SLC2A9: variants seen among roughly 807,000 people sequenced by gnomAD.
SLC2A9 encodes the protein solute carrier family 2, facilitated glucose transporter member 9.
Under a neutral mutation model 50.6 loss-of-function variants are expected in SLC2A9, and 39 were observed. That is an observed-to-expected ratio of 0.77 (90% confidence interval 0.60 to 1.01). The LOEUF (loss-of-function observed/expected upper bound fraction) is 1.01, where lower values mean the gene tolerates loss of function less well. SLC2A9 is among the 50% of genes least tolerant of loss of function. The probability of loss-of-function intolerance (pLI) is 0.00; values close to 1 mark genes in which losing one functional copy is unlikely to be tolerated. For synonymous variants in SLC2A9, 324 were observed against 276.9 expected (o/e 1.17, Z -1.69); for missense variants, 686 against 677.6 (o/e 1.01, Z -0.14).
At chr4:9,852,200 C>A (rs1047299189) in intron 10 of SLC2A9, among the ~76,000 whole-genome samples, 8 of 151,418 alleles carry the variant, frequency 5.3e-5, no homozygotes, top group Non-Finnish European at 7.4e-5. Context: ...GATGTTTCAG[C>A]AGAAACCCTA....
chr4:10,036,837 G>A (rs563551287), intron 1 of SLC2A9, among the ~76,000 whole-genome samples: 12 of 152,288 alleles, frequency 7.9e-5, no homozygotes, highest in African/African-American at 2.6e-4. Context: ...CTCTTGATGC[G>A]TATTGATCTT....
intron 10 of SLC2A9, among the ~76,000 whole-genome samples, chr4:9,863,831 C>T (rs1732026218): frequency 6.6e-6 from 1 of 152,044 alleles, no homozygotes; most frequent in Non-Finnish European, 1.5e-5. Flanking sequence ...TCTGACTAAC[C>T]CCACGTCCAG....
chr4:9,796,333 A>G (rs1251492156), downstream of SLC2A9, among the ~76,000 whole-genome samples: 2 of 152,170 alleles, frequency 1.3e-5, no homozygotes, highest in East Asian at 3.9e-4. Context: ...CCACAGCCCT[A>G]TCTTTCTCCA....
intron 2 of SLC2A9, 59 bp downstream of exon 2, chr4:10,018,916 G>A (rs992612865): frequency 6.6e-7 from 1 of 1,508,086 alleles, no homozygotes. Flanking sequence ...GGGCCCTTGC[G>A]CACCCGAAGG....
intron 6 of SLC2A9, among the ~76,000 whole-genome samples, chr4:9,930,735 T>G (rs6823324): frequency 1.3e-5 from 2 of 152,042 alleles, no homozygotes; most frequent in Non-Finnish European, 2.9e-5. Flanking sequence ...GAACAAGGGC[T>G]CCAGGCAAGA....
At chr4:9,963,746 G>A (rs1017024730) in intron 5 of SLC2A9, among the ~76,000 whole-genome samples, 3 of 152,168 alleles carry the variant, frequency 2.0e-5, no homozygotes, top group Admixed American at 6.5e-5. Context: ...GGTGGGACCC[G>A]CATTGTGGGA....
At chr4:9,955,647 T>C (rs568448733) in intron 5 of SLC2A9, among the ~76,000 whole-genome samples, 1 of 152,246 alleles carries the variant, frequency 6.6e-6, no homozygotes, top group South Asian at 2.1e-4. Flanking sequence ...CTGCTCTAAC[T>C]CTTGCCTCAG....
chr4:9,828,094 T>G lies in SLC2A9; in HGVS notation c.1420-1494A>C, dbSNP rs534753540. 2.0e-5 allele frequency among the ~76,000 whole-genome samples: 3 copies of G among 152,320 alleles called. No individual in the cohort carries two copies. The South Asian group carries it at 6.2e-4, about 32-fold the overall frequency. The stretch of plus-strand genomic sequence containing the variant: ...GCCTCTAAAACTGCCTGCTCTAGCC[T>G]TCCTCATCTCTGCTGATGGCACCTC... On this transcript the variant is annotated intron_variant, in intron 11 of 11. Coordinates refer to ENST00000264784, the MANE Select transcript of SLC2A9 (RefSeq NM_020041.3).
intron 6 of SLC2A9, among the ~76,000 whole-genome samples, chr4:9,926,328 A>G (rs970631281): frequency 2.0e-5 from 3 of 148,846 alleles, no homozygotes; most frequent in African/African-American, 7.4e-5. Flanking sequence ...GTGCTCACCA[A>G]TGCAAACACA....
At chr4:9,964,464 A>G (rs960881188) in intron 5 of SLC2A9, among the ~76,000 whole-genome samples, 1 of 152,188 alleles carries the variant, frequency 6.6e-6, no homozygotes, top group Non-Finnish European at 1.5e-5. Flanking sequence ...AATGGCCTTC[A>G]ACCCATCTGA....
At chr4:9,902,951 A>G (rs1001668801) in intron 8 of SLC2A9, among the ~76,000 whole-genome samples, 13 of 152,222 alleles carry the variant, frequency 8.5e-5, no homozygotes, top group African/African-American at 3.1e-4. Flanking sequence ...TGTGAATTAC[A>G]GTATGATTCC....
At chr4:9,942,402 C>G (rs1748328079) in intron 5 of SLC2A9, among the ~76,000 whole-genome samples, 1 of 152,196 alleles carries the variant, frequency 6.6e-6, no homozygotes, top group Non-Finnish European at 1.5e-5. Context: ...CTCTTCAACA[C>G]CAGGGCTGCC....
downstream of SLC2A9, among the ~76,000 whole-genome samples, chr4:9,776,486 C>T (rs1717587291): frequency 6.6e-6 from 1 of 151,966 alleles, no homozygotes; most frequent in Non-Finnish European, 1.5e-5. Flanking sequence ...GGGACTACCC[C>T]AGACCTCCCT....
In SLC2A9 at chr4:9,826,830, T is replaced by G. The variant is rs951885606; in HGVS notation, c.1420-230A>C. Among the ~76,000 whole-genome samples the G allele has an allele frequency of 4.6e-5, 7 of 152,336 alleles. No individual in the cohort carries two copies. In the East Asian group the frequency reaches 1.3e-3, roughly 29 times the overall value. On this transcript the variant is annotated intron_variant, in intron 11 of 11. Transcript: ENST00000264784. ...TCTGGGAAAGATGAGAAAATGGCAC[T>G]TTTTTGTTGTTGTTGTTGCAAATTT...
intron 3 of SLC2A9, among the ~76,000 whole-genome samples, chr4:9,788,179 G>A (rs924069996): frequency 1.3e-5 from 2 of 151,866 alleles, no homozygotes; most frequent in African/African-American, 4.8e-5. Flanking sequence ...ATAGAATCTT[G>A]GTTTTTTAGT....
chr4:9,951,311 A>T (rs1750216258), intron 5 of SLC2A9, among the ~76,000 whole-genome samples: 1 of 135,842 alleles, frequency 7.4e-6, no homozygotes, highest in Non-Finnish European at 1.6e-5. Context: ...GGATGTGGAG[A>T]GTGTAAAGAT....
chr4:10,006,280 C>T (rs3796841), intron 2 of SLC2A9, among the ~76,000 whole-genome samples: 120,991 of 152,148 alleles, frequency 0.8, 48,357 homozygotes, highest in East Asian at 0.9. Flanking sequence ...CCTCGTAGCC[C>T]GTTTAACAAT....
At chr4:9,858,877 C>G (rs1485018665) in intron 10 of SLC2A9, among the ~76,000 whole-genome samples, 1 of 152,198 alleles carries the variant, frequency 6.6e-6, no homozygotes, top group Non-Finnish European at 1.5e-5. Flanking sequence ...GCCAGTGCTG[C>G]TAGAATAAAG....
intron 10 of SLC2A9, among the ~76,000 whole-genome samples, chr4:9,859,098 A>T (rs1731200426): frequency 6.6e-6 from 1 of 152,104 alleles, no homozygotes; most frequent in East Asian, 1.9e-4. Context: ...GAGGTTTTGG[A>T]CTTGAACTGA....
Sources: gnomAD v4.1 joint callset for allele counts (sites outside exome capture counted in the v4.1 genomes callset) on GRCh38, gnomAD v4.1.1 for gene constraint, MANE v1.5 for transcripts, NCBI Gene and HGNC (gene_info 2026-07-23, HGNC 2026-07-21) for gene names.